The following MEGF10 variants were observed in gnomAD, a reference collection of about 807,000 sequenced individuals.
The protein encoded by MEGF10 is multiple EGF like domains 10.
In MEGF10, 86 loss-of-function variants were observed where a neutral mutation model predicts 147.5. That is an observed-to-expected ratio of 0.58 (90% CI 0.49 to 0.70). The LOEUF is 0.70. MEGF10 is among the 30% of genes least tolerant of loss of function. The probability of loss-of-function intolerance (pLI) is 0.00; values close to 1 mark genes in which losing one functional copy is unlikely to be tolerated. For missense variants in MEGF10, 1,329 were observed against 1,487.3 expected, an observed-to-expected ratio of 0.89 and a Z score of 1.75; for synonymous variants, 478 against 525.5, an observed-to-expected ratio of 0.91 and a Z score of 1.24.
At chr5:127,445,266 C>T (rs968356380) in intron 19 of MEGF10, 191 bp from the exon 20 acceptor site, 3 of 589,932 alleles carry the variant, frequency 5.1e-6, no homozygotes, top group Non-Finnish European at 9.0e-6. Context: ...CAGCCTTTCT[C>T]TGGGCATGGA....
intron 1 of MEGF10, among the ~76,000 whole-genome samples, chr5:127,293,775 A>G (rs1759370060): frequency 6.6e-6 from 1 of 152,258 alleles, no homozygotes; most frequent in Non-Finnish European, 1.5e-5. Context: ...GCTTCACCCC[A>G]GAAGTAAGGG....
chr5:127,420,146 TGGACG>T lies in MEGF10; in HGVS notation c.1534_1538del (p.Gly512LeufsTer27), dbSNP rs1764940287. On this transcript the variant is annotated frameshift_variant, in exon 12 of 25. Transcript: ENST00000503335. LOFTEE classifies it high-confidence loss of function. ...CTCAACGGGGGAGCCTGCAACACCC[TGGACG>T]GGACCTGCACGTGTGCACCTGGATG... The T allele has an allele frequency of 6.2e-7, 1 of 1,614,206 alleles. No homozygotes were observed. The highest frequency in any genetic ancestry group is 8.5e-7 in the Non-Finnish European group (1 of 1,180,030).
chr5:127,377,565 G>A (rs933719736), intron 5 of MEGF10, among the ~76,000 whole-genome samples: 13 of 152,324 alleles, frequency 8.5e-5, no homozygotes, highest in Middle Eastern at 6.8e-3. Context: ...TTCAGGTGCA[G>A]CGTAAGGAAC....
At chr5:127,229,826 C>A in the MEGF10 span, 8 of 152,322 alleles carry the variant, frequency 5.3e-5, no homozygotes, top group East Asian at 1.9e-4. Flanking sequence ...CAGCGCACCC[C>A]CCTCTGGGGG....
chr5:127,257,362 C>A, the MEGF10 span, among the ~76,000 whole-genome samples: 1 of 148,908 alleles, frequency 6.7e-6, no homozygotes, highest in Admixed American at 6.7e-5. Flanking sequence ...CAGAGAGAAT[C>A]CCTCCTGGTT....
chr5:127,396,926 T>C, intron 6 of MEGF10, 148 bp downstream of exon 6: 1 of 1,143,438 alleles, frequency 8.7e-7, no homozygotes, highest in Non-Finnish European at 1.2e-6. Flanking sequence ...GTTATAGAGG[T>C]CAGCAGTGAT....
chr5:127,254,833 T>C, the MEGF10 span, among the ~76,000 whole-genome samples: 1 of 151,526 alleles, frequency 6.6e-6, no homozygotes, highest in Non-Finnish European at 1.5e-5. Flanking sequence ...AGTTGCTTTG[T>C]TATTGATATT....
the MEGF10 span, among the ~76,000 whole-genome samples, chr5:127,281,259 T>C: frequency 6.6e-6 from 1 of 152,208 alleles, no homozygotes; most frequent in East Asian, 1.9e-4. Context: ...AAATTCCTTT[T>C]CTGCTTAAAG....
chr5:127,395,774 G>C (rs1763887197), intron 5 of MEGF10, among the ~76,000 whole-genome samples: 1 of 151,990 alleles, frequency 6.6e-6, no homozygotes, highest in African/African-American at 2.4e-5. Context: ...TTGATTTCCT[G>C]ACCTCGTGAT....
chr5:127,370,451 CAT>C (rs904349536), intron 5 of MEGF10, among the ~76,000 whole-genome samples: 1 of 152,156 alleles, frequency 6.6e-6, no homozygotes, highest in African/African-American at 2.4e-5. Context: ...TTGACACTAA[CAT>C]ATCTTTTTGT....
At chr5:127,330,299 T>C (rs1432753378) in intron 1 of MEGF10, among the ~76,000 whole-genome samples, 1 of 152,200 alleles carries the variant, frequency 6.6e-6, no homozygotes, top group Non-Finnish European at 1.5e-5. Flanking sequence ...AATGCCACTC[T>C]GCACCATTTA....
intron 5 of MEGF10, among the ~76,000 whole-genome samples, chr5:127,388,747 G>A (rs978528710): frequency 1.3e-5 from 2 of 151,628 alleles, no homozygotes; most frequent in Non-Finnish European, 2.9e-5. Context: ...GAGTTTCACC[G>A]TGTTAGCCAG....
At chr5:127,422,470 C>T (rs1346585462) in intron 12 of MEGF10, among the ~76,000 whole-genome samples, 200 bp from the exon 13 acceptor site, 1 of 152,112 alleles carries the variant, frequency 6.6e-6, no homozygotes, top group Non-Finnish European at 1.5e-5. Flanking sequence ...GCTGAAATCA[C>T]ACCACTGCAC....
At chr5:127,367,513 T>C (rs1223426564) in intron 4 of MEGF10, among the ~76,000 whole-genome samples, 1 of 152,170 alleles carries the variant, frequency 6.6e-6, no homozygotes, top group Non-Finnish European at 1.5e-5. Context: ...TAACATTTCT[T>C]TAGTATGAAG....
At chr5:127,370,029 C>G (rs1340250206) in intron 5 of MEGF10, 27 bp downstream of exon 5, 4 of 1,589,936 alleles carry the variant, frequency 2.5e-6, no homozygotes, top group Non-Finnish European at 3.4e-6. Context: ...TGTTGTCTGT[C>G]TCGGGATGTT....
intron 1 of MEGF10, among the ~76,000 whole-genome samples, chr5:127,316,331 T>G (rs1760547426): frequency 1.3e-5 from 2 of 152,196 alleles, no homozygotes; most frequent in African/African-American, 4.8e-5. Flanking sequence ...GCAGGTCCAA[T>G]TATTGACAAT....
chr5:127,270,396 A>G, the MEGF10 span, among the ~76,000 whole-genome samples: 3 of 152,200 alleles, frequency 2.0e-5, no homozygotes, highest in Non-Finnish European at 4.4e-5. Flanking sequence ...AGATCTACCA[A>G]GCAAACGGAA....
chr5:127,410,298 T>C, intron 8 of MEGF10, 91 bp from the exon 9 acceptor site: 1 of 1,235,268 alleles, frequency 8.1e-7, no homozygotes, highest in East Asian at 2.5e-5. Context: ...GCAGCTTCGA[T>C]TTATGCATAA....
intron 2 of MEGF10, among the ~76,000 whole-genome samples, chr5:127,333,683 C>CTGT (rs1407902079): frequency 6.6e-6 from 1 of 152,172 alleles, no homozygotes; most frequent in African/African-American, 2.4e-5. Context: ...ATAATTCCCA[C>CTGT]TGTCTAAAAC....
Sources: gnomAD v4.1 joint callset for allele counts (sites outside exome capture counted in the v4.1 genomes callset) on GRCh38, gnomAD v4.1.1 for gene constraint, MANE v1.5 for transcripts, NCBI Gene and HGNC (gene_info 2026-07-23, HGNC 2026-07-21) for gene names.